LPL: variants seen among roughly 807,000 people sequenced by gnomAD.
LPL encodes the protein lipoprotein lipase.
LPL carries 43 observed loss-of-function variants against 52.2 expected under a neutral mutation model. That is an observed-to-expected ratio of 0.82 (90% CI 0.64 to 1.06). The LOEUF is 1.06. Among genes scored for constraint, LPL ranks in the 50% least tolerant of loss-of-function variants. LPL has a pLI of 0.00. For missense variants in LPL, 639 were observed against 585.3 expected (o/e 1.09, Z -0.95); for synonymous variants, 244 against 215.6 (o/e 1.13, Z -1.15).
At chr8:19,945,633 T>G (rs1431219394) in intron 1 of LPL, among the ~76,000 whole-genome samples, 1 of 152,206 alleles carries the variant, frequency 6.6e-6, no homozygotes, top group African/African-American at 2.4e-5. Context: ...GAATAGACTT[T>G]TTTTCATGGA....
rs769944419 is a variant in LPL at position 19,962,193 on chromosome 8, C to A, written c.1401C>A (p.Asp467Glu). The part of the protein sequence containing the change: ...KAPAVFVKCH[D>E]KSLNKKSG ...CTGCGGTATTTGTGAAATGCCATGACAAGTCTCTGAATAAGAAGTCAGGCT... is the reference window on the plus strand; with the variant it reads ...CTGCGGTATTTGTGAAATGCCATGAAAAGTCTCTGAATAAGAAGTCAGGCT... Residue 467 changes from aspartate (D) to glutamate (E), a missense_variant, in exon 9 of 10, where the codon GAC becomes GAA. By Grantham distance (45) the Asp-to-Glu change is conservative. Coordinates refer to ENST00000650287, the MANE Select transcript of LPL (RefSeq NM_000237.3). The A allele has an allele frequency of 1.2e-5, 19 of 1,613,728 alleles. No individual in the cohort carries two copies. In the Middle Eastern group the frequency reaches 5.0e-4, roughly 42 times the overall value.
rs143110734 is a variant in LPL, at chr8:19,962,136, G to A, written c.1344G>A (p.Glu448=). The A allele has an allele frequency of 6.8e-6, 11 of 1,613,566 alleles. No homozygotes were observed. Among genetic ancestry groups the A allele is most frequent in the Middle Eastern group, 3.3e-4 (2 of 6,056 alleles). The part of the protein sequence containing the change: ...TQKKVIFCSR[E]KVSHLQKGKA... Reference sequence around the variant, plus strand: ...ACAGGGTGATCTTCTGTTCTAGGGAGAAAGTGTCTCATTTGCAGAAAGGAA... The same window carrying A: ...ACAGGGTGATCTTCTGTTCTAGGGAAAAAGTGTCTCATTTGCAGAAAGGAA... The change falls in exon 9 of 10, where the codon GAG becomes GAA. Residue 448 remains glutamate (E), a synonymous_variant. Coordinates refer to ENST00000650287, the MANE Select transcript of LPL (RefSeq NM_000237.3).
At position 19,959,543 on chromosome 8, in the gene LPL, A is replaced by C. The variant is rs558941101; in HGVS notation, c.1139+163A>C. Among the ~76,000 whole-genome samples, 12 of 152,252 alleles carry C rather than the reference A, an allele frequency of 7.9e-5. No individual in the cohort carries two copies. In the South Asian group the frequency reaches 2.5e-3, roughly 32 times the overall value. On this transcript the variant is annotated intron_variant, in intron 7 of 9. Coordinates refer to ENST00000650287, the MANE Select transcript of LPL (RefSeq NM_000237.3). ...CTTTCCTCTATTTGATATTGAGAAA[A>C]AAATGCTTCAAATTGGCCATTTTAT...
In LPL at chr8:19,948,325, G is replaced by C; in HGVS notation, c.234G>C (p.Val78=). The C allele has an allele frequency of 1.2e-6, 2 of 1,614,036 alleles. No homozygotes were observed. Among genetic ancestry groups the C allele is most frequent in the Middle Eastern group, 1.6e-4 (1 of 6,062 alleles). The change falls in exon 2 of 10, where the codon GTG becomes GTC. Residue 78 remains valine, a synonymous_variant. Transcript: ENST00000650287. ...ATCACAGCAGCAAAACCTTCATGGT[G>C]ATCCATGGCTGGACGGTAAGGGAGG... is the stretch of plus-strand genomic sequence containing the variant. ...HFNHSSKTFM[V]IHGWTVTGMY...
At chr8:19,960,812 G>T in intron 7 of LPL, 89 bp from the exon 8 acceptor site, 1 of 912,260 alleles carries the variant, frequency 1.1e-6, no homozygotes, top group Non-Finnish European at 1.8e-6. Flanking sequence ...AAATAATAAA[G>T]CTATTTATAT....
intron 8 of LPL, among the ~76,000 whole-genome samples, chr8:19,961,356 C>T (rs1442125443): frequency 6.6e-6 from 1 of 151,856 alleles, no homozygotes; most frequent in Non-Finnish European, 1.5e-5. Flanking sequence ...GATTAGAAGT[C>T]AGGAATCTCA....
chr8:19,959,647 T>C (rs1417364932), intron 7 of LPL, among the ~76,000 whole-genome samples: 1 of 152,038 alleles, frequency 6.6e-6, no homozygotes, highest in African/African-American at 2.4e-5. Flanking sequence ...TTAAACAATA[T>C]AATTAAACTA....
chr8:19,954,246 T>G lies in LPL; in HGVS notation c.668T>G (p.Ile223Ser). ...TRGSPGRSIG[I>S]QKPVGHVDIY... Reference sequence around the variant, plus strand: ...GGGTCCCCTGGTCGAAGCATTGGAATCCAGAAACCAGTTGGGCATGTTGAC... The same window carrying G: ...GGGTCCCCTGGTCGAAGCATTGGAAGCCAGAAACCAGTTGGGCATGTTGAC... The change falls in exon 5 of 10, where the codon ATC becomes AGC. Residue 223 changes from isoleucine (I) to serine (S), a missense_variant. Transcript: ENST00000650287. 1 of 1,614,180 alleles carries G rather than the reference T, an allele frequency of 6.2e-7. No homozygotes were observed. Among genetic ancestry groups the G allele is most frequent in the Non-Finnish European group, 8.5e-7 (1 of 1,180,030 alleles).
At chr8:19,965,135 CA>C (rs1363366292) in intron 9 of LPL, among the ~76,000 whole-genome samples, 174 bp from the exon 10 acceptor site, 4 of 152,174 alleles carry the variant, frequency 2.6e-5, no homozygotes, top group African/African-American at 9.7e-5. Context: ...TCCATTCCTA[CA>C]AACCTGCCAT....
intron 5 of LPL, 39 bp from the exon 6 acceptor site, chr8:19,955,802 T>C: frequency 1.2e-6 from 2 of 1,613,968 alleles, no homozygotes; most frequent in Non-Finnish European, 1.7e-6. Flanking sequence ...TTTGTGAATT[T>C]CTGCCGAGAT....
chr8:19,961,258 G>C (rs937158025), intron 8 of LPL, among the ~76,000 whole-genome samples, 175 bp downstream of exon 8: 1 of 120,736 alleles, frequency 8.3e-6, no homozygotes, highest in Non-Finnish European at 1.7e-5. Context: ...TTTTTGGGGG[G>C]CAGGGGGGGG....
In LPL at chr8:19,950,519, G is replaced by A. The variant is rs74304285; in HGVS notation, c.250-1250G>A. Among the ~76,000 whole-genome samples the A allele has an allele frequency of 0.13, 19,458 of 152,200 alleles. 1,413 individuals carry two copies. Among genetic ancestry groups the A allele is most frequent in the South Asian group, 0.22 (1,059 of 4,824 alleles). On this transcript the variant is annotated intron_variant, in intron 2 of 9. Coordinates refer to ENST00000650287, the MANE Select transcript of LPL (RefSeq NM_000237.3). This position sits in a 1 kb window ranked among gnomAD's most constrained non-coding sequence, Gnocchi z 4.2. Reference sequence around the variant, plus strand: ...AGATTGCTTAACTTGGAAACACTGGGCTGGGAGCGGTGGCTCATGCCTGTG... The same window carrying A: ...AGATTGCTTAACTTGGAAACACTGGACTGGGAGCGGTGGCTCATGCCTGTG...
rs568710556 is a variant in LPL at position 19,944,137 on chromosome 8, G to T, written c.89-4043G>T. Among the ~76,000 whole-genome samples the T allele has an allele frequency of 6.6e-6, 1 of 152,096 alleles. No individual in the cohort carries two copies. The highest frequency in any genetic ancestry group is 1.5e-5 in the Non-Finnish European group (1 of 68,012). On this transcript the variant is annotated intron_variant, in intron 1 of 9. Coordinates refer to ENST00000650287, the MANE Select transcript of LPL (RefSeq NM_000237.3). This position sits in a 1 kb window ranked among gnomAD's most constrained non-coding sequence, Gnocchi z 4.2. ...GGAGGCATAGGTTGCAGTGAGTCAC[G>T]ATCGTGCCACTGCACTCCAGCCTGG...
rs2069865565 is a variant in LPL at position 19,944,327 on chromosome 8, C to T, written c.89-3853C>T. On this transcript the variant is annotated intron_variant, in intron 1 of 9. Coordinates refer to ENST00000650287, the MANE Select transcript of LPL (RefSeq NM_000237.3). The surrounding 1 kb of genome is among the most constrained non-coding windows in gnomAD (Gnocchi z 4.2). Reference sequence around the variant, plus strand: ...TGATGTTTTTCTTCACCAAATCGACCACATCAGTAATTCACTTTGTTCTTC... The same window carrying T: ...TGATGTTTTTCTTCACCAAATCGACTACATCAGTAATTCACTTTGTTCTTC... 6.6e-6 allele frequency among the ~76,000 whole-genome samples: 1 copy of T among 152,052 alleles called. No homozygotes were observed. Among genetic ancestry groups the T allele is most frequent in the African/African-American group, 2.4e-5 (1 of 41,376 alleles).
At position 19,946,969 on chromosome 8, in the gene LPL, G is replaced by T. The variant is rs554427271; in HGVS notation, c.89-1211G>T. 1.7e-3 allele frequency among the ~76,000 whole-genome samples: 262 copies of T among 152,292 alleles called. 3 individuals are homozygous for T. Among genetic ancestry groups the T allele is most frequent in the Non-Finnish European group, 2.9e-3 (197 of 68,024 alleles). ...CAAAGTGAACCCTTTCAACAACAAG[G>T]TTTGCTGTGGTTTTCAAGTTTTGCC... On this transcript the variant is annotated intron_variant, in intron 1 of 9. Transcript: ENST00000650287.
chr8:19,955,764 T>C (rs918866505), intron 5 of LPL, 77 bp from the exon 6 acceptor site: 1 of 1,581,252 alleles, frequency 6.3e-7, no homozygotes. Context: ...ACATCTCACC[T>C]ATTTTAGACA....
chr8:19,949,613 G>A (rs1400197231), intron 2 of LPL, among the ~76,000 whole-genome samples: 5 of 152,076 alleles, frequency 3.3e-5, no homozygotes, highest in Admixed American at 6.6e-5. Flanking sequence ...CTCCCGAGTA[G>A]CTGGGACTAC....
In LPL at chr8:19,966,767, C is replaced by A. The variant is rs1038422745; in HGVS notation, c.*1457C>A. On this transcript the variant is annotated 3_prime_UTR_variant, in exon 10 of 10. Coordinates refer to ENST00000650287, the MANE Select transcript of LPL (RefSeq NM_000237.3). ...CGACCCTTTCTCTGAGAGAGATGAT[C>A]GTGCCTATAAATAGTAGGACCAATG... is the stretch of plus-strand genomic sequence containing the variant. The A allele has an allele frequency of 6.6e-6, 1 of 152,130 alleles. No individual in the cohort carries two copies. The highest frequency in any genetic ancestry group is 1.9e-4 in the East Asian group (1 of 5,186). The allele number at this position is 152,130 out of a possible 1,614,324, so 9.4% of individuals were successfully genotyped here.
chr8:19,960,036 G>T (rs1390701304), intron 7 of LPL, among the ~76,000 whole-genome samples: 3 of 151,792 alleles, frequency 2.0e-5, no homozygotes, highest in Admixed American at 6.6e-5. Context: ...TGATCCACCC[G>T]CCTCGGCCTC....
Sources: gnomAD v4.1 joint callset for allele counts (sites outside exome capture counted in the v4.1 genomes callset) on GRCh38, gnomAD v4.1.1 for gene constraint, Gnocchi (gnomAD v3.1) non-coding constraint, MANE v1.5 for transcripts, NCBI Gene and HGNC (gene_info 2026-07-23, HGNC 2026-07-21) for gene names.